The following MDM2 variants were observed in gnomAD, a reference collection of about 807,000 sequenced individuals.
The protein encoded by MDM2 is E3 ubiquitin-protein ligase Mdm2.
In MDM2, 11 loss-of-function variants were observed where a neutral mutation model predicts 64.3. The observed-to-expected ratio is 0.17, with a 90% CI of 0.11 to 0.28. MDM2 has a LOEUF of 0.28. Among genes scored for constraint, MDM2 ranks in the 10% least tolerant of loss-of-function variants. The probability of loss-of-function intolerance (pLI) is 1.00; values close to 1 mark genes in which losing one functional copy is unlikely to be tolerated. For synonymous variants in MDM2, 194 were observed against 192.9 expected (o/e 1.01, Z -0.05); for missense variants, 388 against 577.1 (o/e 0.67, Z 3.36).
At chr12:68,833,292 T>TTTATATAAATATAA (rs1565744049) in intron 8 of MDM2, among the ~76,000 whole-genome samples, 2 of 123,192 alleles carry the variant, frequency 1.6e-5, no homozygotes, top group East Asian at 2.1e-4. Flanking sequence ...TATAAATATA[T>TTTATATAAATATAA]ATATTTATAT....
rs918424118 is a variant in MDM2, at chr12:68,844,532, C to T, written c.*4683C>T. On this transcript the variant is annotated 3_prime_UTR_variant, in exon 11 of 11. Transcript: ENST00000258149. ...AGGGGAGTTTGGGCTAGCCACCGTA[C>T]CACTTGTCAGCGTGAAAAGTAAGAT... The T allele has an allele frequency of 8.7e-6, 2 of 228,574 alleles. No individual in the cohort carries two copies. The highest frequency in any genetic ancestry group is 1.7e-5 in the Non-Finnish European group (2 of 115,236). The allele number at this position is 228,574 out of a possible 1,614,324, so 14.2% of individuals were successfully genotyped here.
At position 68,833,318 on chromosome 12, in the gene MDM2, A is replaced by AAAATATAT. The variant is rs1565744160; in HGVS notation, c.685-2511_685-2510insAAATATAT. 1.0e-3 allele frequency among the ~76,000 whole-genome samples: 97 copies of AAAATATAT among 95,952 alleles called. 3 individuals carry two copies. Among genetic ancestry groups the AAAATATAT allele is most frequent in the East Asian group, 6.8e-3 (27 of 3,968 alleles). The allele number at this position is 95,952 out of a possible 152,430, so 62.9% of individuals were successfully genotyped here. Reference sequence around the variant, plus strand: ...ATATTTATATAAATATAAAAATATAATTATATAAATATAAAAATATATATT... The same window carrying AAAATATAT: ...ATATTTATATAAATATAAAAATATAAAAATATATTTATATAAATATAAAAATATATATT... On this transcript the variant is annotated intron_variant, in intron 8 of 10. Coordinates refer to ENST00000258149, the MANE Select transcript of MDM2 (RefSeq NM_002392.6).
intron 10 of MDM2, among the ~76,000 whole-genome samples, chr12:68,837,197 G>A (rs1883382665): frequency 6.6e-6 from 1 of 151,760 alleles, no homozygotes; most frequent in Non-Finnish European, 1.5e-5. Context: ...CAAGTGATCT[G>A]CCCACCTTGG....
chr12:68,827,315 T>G (rs1882422703), intron 7 of MDM2, among the ~76,000 whole-genome samples: 1 of 152,216 alleles, frequency 6.6e-6, no homozygotes, highest in South Asian at 2.1e-4. Context: ...TTTTTTTTTC[T>G]ATTACTCAAG....
intron 7 of MDM2, among the ~76,000 whole-genome samples, chr12:68,825,381 C>T (rs1882227482): frequency 6.6e-6 from 1 of 151,344 alleles, no homozygotes; most frequent in African/African-American, 2.4e-5. Context: ...GGGCCGGGCG[C>T]AGTGGCTCAC....
chr12:68,836,570 T>A (rs777934813), intron 9 of MDM2, 102 bp from the exon 10 acceptor site: 1 of 827,012 alleles, frequency 1.2e-6, no homozygotes, highest in Non-Finnish European at 2.1e-6. Context: ...GGCTTTCTCA[T>A]ATATTGTAGT....
intron 10 of MDM2, among the ~76,000 whole-genome samples, chr12:68,836,955 CT>C (rs35125243): frequency 0.096 from 13,108 of 136,646 alleles, 1,927 homozygotes; most frequent in African/African-American, 0.33. Flanking sequence ...GGAATTTGAA[CT>C]TTTTTTTTTT....
intron 2 of MDM2, among the ~76,000 whole-genome samples, chr12:68,809,623 AGT>A (rs1880685973): frequency 6.6e-6 from 1 of 152,010 alleles, no homozygotes; most frequent in Admixed American, 6.6e-5. Flanking sequence ...AAGTCAAAAA[AGT>A]TATTCGTGCT....
chr12:68,828,719 C>G, intron 7 of MDM2, 52 bp from the exon 8 acceptor site: 1 of 1,564,174 alleles, frequency 6.4e-7, no homozygotes, highest in South Asian at 1.1e-5. Flanking sequence ...CAAAACAGCT[C>G]AATTTTCTAA....
chr12:68,836,861 T>C, intron 10 of MDM2, 112 bp downstream of exon 10: 1 of 683,010 alleles, frequency 1.5e-6, no homozygotes, highest in Non-Finnish European at 2.5e-6. Flanking sequence ...TTAAAATGTT[T>C]TTGTAAAGTC....
intron 10 of MDM2, among the ~76,000 whole-genome samples, 171 bp from the exon 11 acceptor site, chr12:68,839,102 AC>A (rs1555188473): frequency 1.5e-5 from 1 of 66,170 alleles, no homozygotes; most frequent in Non-Finnish European, 4.4e-5. Flanking sequence ...CCAATATATA[AC>A]TAACTATAGT....
At chr12:68,816,500 A>G (rs1442727098) in intron 3 of MDM2, among the ~76,000 whole-genome samples, 1 of 149,374 alleles carries the variant, frequency 6.7e-6, no homozygotes, top group African/African-American at 2.5e-5. Flanking sequence ...AGCCTCCCTA[A>G]TAGCTGGGAT....
chr12:68,822,038 G>C (rs771157508), intron 5 of MDM2, among the ~76,000 whole-genome samples: 31 of 152,062 alleles, frequency 2.0e-4, no homozygotes, highest in Non-Finnish European at 7.4e-5. Context: ...TGTATGTTTG[G>C]TAGAGACGGT....
chr12:68,808,467 G>T lies in MDM2; in HGVS notation c.-11G>T. On this transcript the variant is annotated 5_prime_UTR_variant, in exon 1 of 11. Coordinates refer to ENST00000258149, the MANE Select transcript of MDM2 (RefSeq NM_002392.6). ...TTGAGGGACCCCCGACTCCAAGCGC[G>T]AAAACCCCGGATGGTGAGGAGCAGG... The T allele has an allele frequency of 1.2e-6, 2 of 1,614,110 alleles. No homozygotes were observed. Among genetic ancestry groups the T allele is most frequent in the Non-Finnish European group, 1.7e-6 (2 of 1,180,008 alleles).
downstream of MDM2, chr12:68,849,093 CTT>C (rs796472865): frequency 3.4e-4 from 44 of 130,624 alleles, no homozygotes; most frequent in African/African-American, 4.8e-4. Flanking sequence ...ACGGTAGACC[CTT>C]TTTTTTTTTT....
At chr12:68,825,391 C>T (rs1468640254) in intron 7 of MDM2, among the ~76,000 whole-genome samples, 3 of 152,216 alleles carry the variant, frequency 2.0e-5, no homozygotes, top group African/African-American at 2.4e-5. Context: ...CAGTGGCTCA[C>T]GCCTGTAATC....
intron 8 of MDM2, among the ~76,000 whole-genome samples, chr12:68,831,170 C>T (rs959246084): frequency 1.3e-5 from 2 of 152,048 alleles, no homozygotes; most frequent in African/African-American, 2.4e-5. Context: ...TAAAACGACA[C>T]GGACACACGT....
In MDM2 at chr12:68,818,834, G is replaced by A. The variant is rs1466665495; in HGVS notation, c.309-1491G>A. Among the ~76,000 whole-genome samples the A allele has an allele frequency of 2.6e-5, 4 of 151,522 alleles. No homozygotes were observed. In the South Asian group the frequency reaches 6.3e-4, roughly 24 times the overall value. On this transcript the variant is annotated intron_variant, in intron 4 of 10. Coordinates refer to ENST00000258149, the MANE Select transcript of MDM2 (RefSeq NM_002392.6). ...CAACCTCTGCCTCCTGGGTTCAAGC[G>A]ATTCTCTTGCCTCAGCCTCCTGAGT...
intron 8 of MDM2, among the ~76,000 whole-genome samples, chr12:68,834,660 T>G (rs1485323700): frequency 6.6e-6 from 1 of 151,324 alleles, no homozygotes; most frequent in East Asian, 2.0e-4. Flanking sequence ...TTGCTTGAAC[T>G]TGGGAGGTGT....
Sources: gnomAD v4.1 joint callset for allele counts (sites outside exome capture counted in the v4.1 genomes callset) on GRCh38, gnomAD v4.1.1 for gene constraint, MANE v1.5 for transcripts, NCBI Gene and HGNC (gene_info 2026-07-23, HGNC 2026-07-21) for gene names.